Variants in STIM1 observed in about 807,000 individuals in gnomAD.
The protein encoded by STIM1 is stromal interaction molecule 1.
Under a neutral mutation model 74.7 loss-of-function variants are expected in STIM1, and 25 were observed. The observed-to-expected ratio is 0.33, with a 90% CI of 0.24 to 0.47. The LOEUF is 0.47. Among genes scored for constraint, STIM1 ranks in the 20% least tolerant of loss-of-function variants. The probability of loss-of-function intolerance (pLI) is 1.00; values close to 1 mark genes in which losing one functional copy is unlikely to be tolerated. For synonymous variants in STIM1, 328 were observed against 348.8 expected, an observed-to-expected ratio of 0.94 and a Z score of 0.66; for missense variants, 728 against 920.8, an observed-to-expected ratio of 0.79 and a Z score of 2.71.
At chr11:4,012,608 T>C (rs374465337) in intron 2 of STIM1, among the ~76,000 whole-genome samples, 3 of 152,184 alleles carry the variant, frequency 2.0e-5, no homozygotes, top group East Asian at 1.9e-4. Flanking sequence ...TGCTTATCAG[T>C]TTAAGGAGAT....
intron 2 of STIM1, among the ~76,000 whole-genome samples, chr11:4,011,945 T>C (rs2093841273): frequency 6.6e-6 from 1 of 152,260 alleles, no homozygotes; most frequent in African/African-American, 2.4e-5. Context: ...TACATATGGC[T>C]AGCCAGTTTT....
intron 1 of STIM1, among the ~76,000 whole-genome samples, chr11:3,958,589 GC>G (rs2093246882): frequency 6.6e-6 from 1 of 152,142 alleles, no homozygotes; most frequent in African/African-American, 2.4e-5. Context: ...GGCTAGGCCT[GC>G]TGTGTGCCTC....
chr11:3,989,150 T>C (rs2093584892), intron 2 of STIM1: 2 of 1,263,866 alleles, frequency 1.6e-6, no homozygotes, highest in African/African-American at 3.0e-5. Context: ...ATGTATGATG[T>C]GTGGTATTAT....
At chr11:4,083,831 G>A (rs988399257) in intron 10 of STIM1, among the ~76,000 whole-genome samples, 1 of 151,944 alleles carries the variant, frequency 6.6e-6, no homozygotes, top group African/African-American at 2.4e-5. Context: ...TGTAAAAATG[G>A]CATTTATTCT....
At chr11:3,904,256 A>G (rs2092422039) in intron 1 of STIM1, among the ~76,000 whole-genome samples, 1 of 150,018 alleles carries the variant, frequency 6.7e-6, no homozygotes, top group African/African-American at 2.4e-5. Flanking sequence ...GAGGGTCTAA[A>G]TACTTAGCAA....
chr11:3,968,840 G>T (rs1165396415), intron 2 of STIM1, among the ~76,000 whole-genome samples: 1 of 152,162 alleles, frequency 6.6e-6, no homozygotes, highest in African/African-American at 2.4e-5. Context: ...CTTACCTTAT[G>T]CCAGTCACAG....
intron 1 of STIM1, among the ~76,000 whole-genome samples, chr11:3,942,775 C>T (rs1041310650): frequency 4.6e-5 from 7 of 152,200 alleles, no homozygotes; most frequent in Admixed American, 3.9e-4. Flanking sequence ...GGCTTTAAGT[C>T]TCATGTCTTA....
intron 1 of STIM1, among the ~76,000 whole-genome samples, chr11:3,966,310 A>T (rs758679891): frequency 6.6e-6 from 1 of 152,202 alleles, no homozygotes; most frequent in Non-Finnish European, 1.5e-5. Flanking sequence ...TTTAAAATTT[A>T]ATATTTATAC....
At chr11:3,980,778 G>A (rs573706072) in intron 2 of STIM1, among the ~76,000 whole-genome samples, 1 of 152,178 alleles carries the variant, frequency 6.6e-6, no homozygotes, top group South Asian at 2.1e-4. Flanking sequence ...GATATTTTGG[G>A]CCAGATAGTT....
intron 3 of STIM1, among the ~76,000 whole-genome samples, chr11:4,031,272 C>T (rs1045338266): frequency 6.6e-6 from 1 of 152,148 alleles, no homozygotes; most frequent in Non-Finnish European, 1.5e-5. Context: ...TAGAGACATA[C>T]CACAATTTAT....
chr11:4,005,828 T>G (rs1279020008), intron 2 of STIM1, among the ~76,000 whole-genome samples: 1 of 152,160 alleles, frequency 6.6e-6, no homozygotes, highest in Non-Finnish European at 1.5e-5. Flanking sequence ...GACTGCTGTA[T>G]CCCTGCCTTG....
chr11:4,090,779 C>T (rs1026894571), intron 12 of STIM1, among the ~76,000 whole-genome samples: 13 of 152,270 alleles, frequency 8.5e-5, no homozygotes, highest in African/African-American at 2.9e-4. Flanking sequence ...TTGAGGATGC[C>T]GCCTGTGGAA....
chr11:3,865,421 A>G (rs2090816064), intron 1 of STIM1, among the ~76,000 whole-genome samples: 1 of 152,238 alleles, frequency 6.6e-6, no homozygotes. Context: ...GAGGAGAACC[A>G]GGAAGCAGTT....
At chr11:4,018,081 G>A (rs957878725) in intron 2 of STIM1, among the ~76,000 whole-genome samples, 2 of 152,194 alleles carry the variant, frequency 1.3e-5, no homozygotes, top group South Asian at 2.1e-4. Context: ...TTGGGAGGCC[G>A]AGACAGGTGG....
chr11:3,989,596 G>A, intron 2 of STIM1: 1 of 433,260 alleles, frequency 2.3e-6, no homozygotes. Flanking sequence ...AGGGGCGGTG[G>A]GAGAACCCTG....
intron 1 of STIM1, among the ~76,000 whole-genome samples, chr11:3,938,926 G>A (rs2092970400): frequency 6.6e-6 from 1 of 152,184 alleles, no homozygotes. Context: ...TGGCCATGCA[G>A]TCTGAACCAG....
Position 3,973,372 on chromosome 11 carries a change from C to G in STIM1, c.270+5690C>G, listed in dbSNP as rs2093414364. ...TTCTTCGACAGGGCATCCCTAACTT[C>G]ATAGTTGTGGCCATTCACAGTATGG... On this transcript the variant is annotated intron_variant, in intron 2 of 12. Coordinates refer to ENST00000526596, the MANE Select transcript of STIM1 (RefSeq NM_001382567.1). 7.1e-6 allele frequency: 3 copies of G among 422,632 alleles called. No homozygotes were observed. In the Admixed American group the frequency reaches 7.8e-5, roughly 11 times the overall value. 26.2% of individuals were successfully genotyped at this position (422,632 alleles called of 1,614,324 possible).
intron 1 of STIM1, among the ~76,000 whole-genome samples, chr11:3,911,313 A>G (rs1032309428): frequency 2.0e-5 from 3 of 152,294 alleles, no homozygotes; most frequent in Non-Finnish European, 4.4e-5. Flanking sequence ...CTGGCATTCT[A>G]TGATCTGGGT....
At chr11:4,087,223 G>T (rs376877546) in intron 12 of STIM1, among the ~76,000 whole-genome samples, 1 of 152,050 alleles carries the variant, frequency 6.6e-6, no homozygotes, top group African/African-American at 2.4e-5. Flanking sequence ...TGGGCATAGG[G>T]GTTCACTGGT....
Sources: allele counts gnomAD v4.1 joint callset (sites outside exome capture counted in the v4.1 genomes callset), GRCh38; gene constraint gnomAD v4.1.1; transcripts MANE v1.5; gene names NCBI Gene and HGNC (gene_info 2026-07-23, HGNC 2026-07-21).